Variants in DPH6 observed in about 807,000 individuals in gnomAD.
DPH6 encodes diphthine--ammonia ligase.
DPH6 carries 33 observed loss-of-function variants against 38.2 expected under a neutral mutation model. The ratio of observed to expected loss-of-function variants is 0.86; its 90% CI spans 0.65 to 1.15. DPH6 has a LOEUF of 1.15. DPH6 is among the 50% of genes most tolerant of loss of function. DPH6 has a pLI of 0.00. For synonymous variants in DPH6, 108 were observed against 103.0 expected (o/e 1.05, Z -0.30); for missense variants, 325 against 320.0 (o/e 1.02, Z -0.12).
chr15:35,234,260 T>G (rs903937420), intron 3 of DPH6, among the ~76,000 whole-genome samples: 1 of 152,214 alleles, frequency 6.6e-6, no homozygotes, highest in African/African-American at 2.4e-5. Flanking sequence ...ATGGCAAACT[T>G]CTGTTCCAAC....
chr15:35,255,814 C>T (rs1022912670), intron 3 of DPH6, among the ~76,000 whole-genome samples: 3 of 152,074 alleles, frequency 2.0e-5, no homozygotes, highest in Non-Finnish European at 2.9e-5. Flanking sequence ...GAATATGATC[C>T]TTAGAAGATT....
chr15:35,285,185 A>C (rs2140440211), intron 3 of DPH6, among the ~76,000 whole-genome samples: 1 of 152,234 alleles, frequency 6.6e-6, no homozygotes, highest in East Asian at 1.9e-4. Flanking sequence ...TAAAATAAGT[A>C]TGTTTTATTC....
chr15:35,276,061 A>G lies in DPH6; in HGVS notation n.201-55479T>C, dbSNP rs139068896. Among the ~76,000 whole-genome samples, 177 of 152,336 alleles carry G rather than the reference A, an allele frequency of 1.2e-3. 1 individual carries two copies. The highest frequency in any genetic ancestry group is 4.1e-3 in the African/African-American group (169 of 41,576). On this transcript the variant is annotated intron_variant and non_coding_transcript_variant, in intron 3 of 3. Coordinates refer to the DPH6 transcript ENST00000560386. ...AGTGGTTTTACTAGTTTACATTCCT[A>G]TCAGCAATGTAGAAGTGTTTCCTGT...
chr15:35,241,962 C>T (rs948852125), intron 3 of DPH6, among the ~76,000 whole-genome samples: 1 of 144,132 alleles, frequency 6.9e-6, no homozygotes, highest in Non-Finnish European at 1.5e-5. Context: ...TGGTGCCAAA[C>T]CCATATACTC....
At chr15:35,213,959 A>AAC (rs2051400229), downstream of DPH6, among the ~76,000 whole-genome samples, 2 of 152,170 alleles carry the variant, frequency 1.3e-5, no homozygotes, top group Non-Finnish European at 2.9e-5. Flanking sequence ...AAAAATACAA[A>AAC]AAATTAGCCA....
chr15:35,378,066 T>C (rs1223392248), intron 7 of DPH6, among the ~76,000 whole-genome samples: 1 of 152,168 alleles, frequency 6.6e-6, no homozygotes, highest in Non-Finnish European at 1.5e-5. Flanking sequence ...CTGATCTCTC[T>C]AAATTACTTC....
At chr15:35,303,889 C>T (rs1025779085) in intron 3 of DPH6, among the ~76,000 whole-genome samples, 3 of 151,220 alleles carry the variant, frequency 2.0e-5, no homozygotes, top group East Asian at 3.9e-4. Context: ...TACTCTAAGG[C>T]CCTGGTAATA....
At chr15:35,311,197 T>C (rs1440400541) in intron 3 of DPH6, among the ~76,000 whole-genome samples, 1 of 152,168 alleles carries the variant, frequency 6.6e-6, no homozygotes, top group East Asian at 1.9e-4. Flanking sequence ...TTATACGTAG[T>C]ACTCAATAAA....
chr15:35,200,785 A>G, the DPH6 span, among the ~76,000 whole-genome samples: 1 of 151,914 alleles, frequency 6.6e-6, no homozygotes. Context: ...ATCTTGAAGC[A>G]AGTCTGAAAT....
chr15:35,451,715 T>TAAA, intron 4 of DPH6, among the ~76,000 whole-genome samples: 1 of 152,224 alleles, frequency 6.6e-6, no homozygotes, highest in East Asian at 1.9e-4. Context: ...GTGATCCTTT[T>TAAA]AAGACATAAA....
At chr15:35,448,685 TAATTA>T (rs1355415071) in intron 5 of DPH6, among the ~76,000 whole-genome samples, 1 of 152,124 alleles carries the variant, frequency 6.6e-6, no homozygotes, top group African/African-American at 2.4e-5. Context: ...TAATTAAATT[TAATTA>T]AATTACAGTC....
the DPH6 span, among the ~76,000 whole-genome samples, chr15:35,155,134 T>C: frequency 6.6e-6 from 1 of 152,184 alleles, no homozygotes; most frequent in Non-Finnish European, 1.5e-5. Flanking sequence ...AAAGAAAAAG[T>C]AGCAGATCTT....
At chr15:35,446,053 G>A (rs28547575) in intron 5 of DPH6, among the ~76,000 whole-genome samples, 96,341 of 152,004 alleles carry the variant, frequency 0.63, 34,726 homozygotes, top group South Asian at 0.83. Context: ...TTCTCAAGAC[G>A]CAGAGAAAAG....
At chr15:35,363,199 GTC>G (rs2052628239) in intron 3 of DPH6, among the ~76,000 whole-genome samples, 1 of 151,944 alleles carries the variant, frequency 6.6e-6, no homozygotes, top group Non-Finnish European at 1.5e-5. Flanking sequence ...TGATGATTTT[GTC>G]TGTTTTTAAA....
At chr15:35,486,931 TGGGAGAAATTGGC>T (rs1555405662) in intron 3 of DPH6, among the ~76,000 whole-genome samples, 1 of 152,058 alleles carries the variant, frequency 6.6e-6, no homozygotes, top group Non-Finnish European at 1.5e-5. Context: ...CCATTCGGAA[TGGGAGAAATTGGC>T]TCAAACCAAG....
At chr15:35,283,135 T>A (rs1466552781) in intron 3 of DPH6, among the ~76,000 whole-genome samples, 2 of 150,894 alleles carry the variant, frequency 1.3e-5, no homozygotes, top group African/African-American at 4.9e-5. Flanking sequence ...TCCTCTTCTC[T>A]TCTTCTTCCT....
Position 35,440,874 on chromosome 15 carries a change from A to G in DPH6, c.505+9811T>C, listed in dbSNP as rs144341425. 1.2e-3 allele frequency among the ~76,000 whole-genome samples: 182 copies of G among 152,366 alleles called. 1 individual carries two copies. In the East Asian group the frequency reaches 0.029, roughly 24 times the overall value. ...TATCATGAGAGTGAACAGGCAACCT[A>G]CAGACTGGGAGAAAATTTTTGCAAT... is the stretch of plus-strand genomic sequence containing the variant. On this transcript the variant is annotated intron_variant, in intron 5 of 8. Coordinates refer to ENST00000256538, the MANE Select transcript of DPH6 (RefSeq NM_080650.4).
chr15:35,385,899 G>A (rs2052947254), intron 6 of DPH6, among the ~76,000 whole-genome samples: 1 of 151,922 alleles, frequency 6.6e-6, no homozygotes, highest in African/African-American at 2.4e-5. Flanking sequence ...ACAACGTGCA[G>A]GTTTGTTACA....
intron 2 of DPH6, among the ~76,000 whole-genome samples, chr15:35,541,519 T>C (rs2055252973): frequency 6.6e-6 from 1 of 152,122 alleles, no homozygotes; most frequent in Admixed American, 6.6e-5. Flanking sequence ...GAATGCCTAC[T>C]TCATGACAGG....
Sources: allele counts gnomAD v4.1 joint callset (sites outside exome capture counted in the v4.1 genomes callset), GRCh38; gene constraint gnomAD v4.1.1; transcripts MANE v1.5; gene names NCBI Gene and HGNC (gene_info 2026-07-23, HGNC 2026-07-21).